DAPK1: variants seen among roughly 807,000 people sequenced by gnomAD.
The protein encoded by DAPK1 is death associated protein kinase 1.
Under a neutral mutation model 144.9 loss-of-function variants are expected in DAPK1, and 56 were observed. The observed-to-expected ratio is 0.39, with a 90% CI of 0.31 to 0.48. The LOEUF is 0.48. DAPK1 is among the 20% of genes least tolerant of loss of function. The probability of loss-of-function intolerance (pLI) is 0.95; values close to 1 mark genes in which losing one functional copy is unlikely to be tolerated. For synonymous variants in DAPK1, 690 were observed against 749.0 expected (o/e 0.92, Z 1.29); for missense variants, 1,454 against 1,875.4 (o/e 0.78, Z 4.15).
At chr9:87,595,511 G>A (rs767987095) in intron 2 of DAPK1, among the ~76,000 whole-genome samples, 7 of 152,122 alleles carry the variant, frequency 4.6e-5, no homozygotes, top group Non-Finnish European at 8.8e-5. Flanking sequence ...ATCCTCAGCC[G>A]CTCTGGTTTG....
At chr9:87,596,237 C>T (rs1478861175) in intron 2 of DAPK1, among the ~76,000 whole-genome samples, 1 of 152,172 alleles carries the variant, frequency 6.6e-6, no homozygotes, top group Non-Finnish European at 1.5e-5. Flanking sequence ...TTCCTCTTCA[C>T]ACGCATTCTG....
At chr9:87,504,911 C>T (rs1418071891) in intron 2 of DAPK1, among the ~76,000 whole-genome samples, 1 of 152,150 alleles carries the variant, frequency 6.6e-6, no homozygotes, top group Non-Finnish European at 1.5e-5. Context: ...ATGTTCAGTA[C>T]AGATGCAGTT....
rs546259797 is a variant in DAPK1, at chr9:87,565,403, G to A, written c.63-39551G>A. On this transcript the variant is annotated intron_variant, in intron 2 of 25. Coordinates refer to ENST00000408954, the MANE Select transcript of DAPK1 (RefSeq NM_004938.4). The stretch of plus-strand genomic sequence containing the variant: ...GCAGCTCTCAGGATCAAAAGCAGAG[G>A]AGCTCGAGGGATGATGTCTTCCAAT... 4.6e-5 allele frequency among the ~76,000 whole-genome samples: 7 copies of A among 152,308 alleles called. 1 individual carries two copies. In the East Asian group the frequency reaches 9.7e-4, roughly 21 times the overall value.
chr9:87,577,766 C>G (rs143613043), intron 2 of DAPK1, among the ~76,000 whole-genome samples: 1 of 152,116 alleles, frequency 6.6e-6, no homozygotes, highest in Admixed American at 6.5e-5. Flanking sequence ...CCACTGCACC[C>G]CAGTGTGGTG....
chr9:87,548,122 A>G (rs1826329245), intron 2 of DAPK1, among the ~76,000 whole-genome samples: 1 of 152,338 alleles, frequency 6.6e-6, no homozygotes, highest in African/African-American at 2.4e-5. Flanking sequence ...AATGCAGCAC[A>G]AAGAGTAAGG....
Position 87,681,343 on chromosome 9 carries a change from T to A in DAPK1, c.2002-61T>A, listed in dbSNP as rs946706294. ...AACTGCACACCGGGGATTAGGAATC[T>A]TGAGAATCATTATTTGCCTCTTTTT... On this transcript the variant is annotated intron_variant, in intron 19 of 25. Transcript: ENST00000408954. The A allele has an allele frequency of 3.4e-6, 3 of 885,214 alleles. No individual in the cohort carries two copies. In the African/African-American group the frequency reaches 5.0e-5, roughly 15 times the overall value. The allele number at this position is 885,214 out of a possible 1,614,324, so 54.8% of individuals were successfully genotyped here.
At chr9:87,553,358 C>T (rs1563989565) in intron 2 of DAPK1, 1 of 152,208 alleles carries the variant, frequency 6.6e-6, no homozygotes, top group African/African-American at 2.4e-5. Flanking sequence ...GTTAACCATT[C>T]ATGGGATCTT....
At chr9:87,541,290 G>A (rs1382822880) in intron 2 of DAPK1, among the ~76,000 whole-genome samples, 2 of 152,186 alleles carry the variant, frequency 1.3e-5, no homozygotes, top group Non-Finnish European at 2.9e-5. Flanking sequence ...GCTCACACCT[G>A]TAACACCAGC....
intron 3 of DAPK1, chr9:87,632,954 G>A: frequency 1.0e-6 from 1 of 966,228 alleles, no homozygotes; most frequent in Non-Finnish European, 1.2e-6. Flanking sequence ...ACGTAGGGAT[G>A]AAGGAGGATG....
chr9:87,642,104 G>A, intron 10 of DAPK1, 46 bp downstream of exon 10: 3 of 1,517,354 alleles, frequency 2.0e-6, no homozygotes, highest in South Asian at 1.1e-5. Flanking sequence ...TGTTTCCTGT[G>A]TAGAGTAGTG....
chr9:87,600,377 A>G (rs1192309882), intron 2 of DAPK1, among the ~76,000 whole-genome samples: 2 of 152,190 alleles, frequency 1.3e-5, no homozygotes, highest in Non-Finnish European at 2.9e-5. Context: ...CTTTGAGCCC[A>G]GGAGTTCTAG....
chr9:87,510,218 G>A (rs1824784876), intron 2 of DAPK1, among the ~76,000 whole-genome samples: 1 of 152,174 alleles, frequency 6.6e-6, no homozygotes, highest in Non-Finnish European at 1.5e-5. Flanking sequence ...ACAGGGTAAT[G>A]TCAGCCTCGT....
intron 2 of DAPK1, among the ~76,000 whole-genome samples, chr9:87,564,643 GGA>G (rs1180602103): frequency 6.6e-6 from 1 of 151,080 alleles, no homozygotes; most frequent in East Asian, 1.9e-4. Context: ...AGGGAGGAAG[GGA>G]GAGAGAGAGA....
intron 17 of DAPK1, among the ~76,000 whole-genome samples, chr9:87,654,743 C>T (rs1830575460): frequency 6.6e-6 from 1 of 152,194 alleles, no homozygotes; most frequent in African/African-American, 2.4e-5. Context: ...GACATTCCCA[C>T]TGTGCACCCA....
intron 2 of DAPK1, among the ~76,000 whole-genome samples, chr9:87,563,554 G>T (rs1587722171): frequency 6.6e-6 from 1 of 152,328 alleles, no homozygotes; most frequent in East Asian, 1.9e-4. Context: ...AGAGACATGT[G>T]TGATGTCCAA....
intron 2 of DAPK1, among the ~76,000 whole-genome samples, chr9:87,575,882 C>T (rs1210514616): frequency 1.3e-5 from 2 of 152,236 alleles, no homozygotes; most frequent in Non-Finnish European, 2.9e-5. Flanking sequence ...AAGGTGCTCC[C>T]TGGCAAGGGA....
At chr9:87,652,726 C>G (rs1830495126) in intron 17 of DAPK1, among the ~76,000 whole-genome samples, 1 of 136,948 alleles carries the variant, frequency 7.3e-6, no homozygotes. Context: ...TCTGTGTCCT[C>G]CCACCTGATC....
intron 2 of DAPK1, among the ~76,000 whole-genome samples, chr9:87,551,456 G>C (rs938370796): frequency 6.6e-6 from 1 of 152,150 alleles, no homozygotes. Context: ...TGTTAATTTA[G>C]ATTTTAAGCC....
At chr9:87,615,764 TA>T (rs1285846248) in intron 3 of DAPK1, among the ~76,000 whole-genome samples, 3 of 152,226 alleles carry the variant, frequency 2.0e-5, no homozygotes, top group African/African-American at 7.2e-5. Flanking sequence ...CGTGCAACTC[TA>T]GGAGAGTGGT....
Sources: gnomAD v4.1 joint callset for allele counts (sites outside exome capture counted in the v4.1 genomes callset) on GRCh38, gnomAD v4.1.1 for gene constraint, MANE v1.5 for transcripts, NCBI Gene and HGNC (gene_info 2026-07-23, HGNC 2026-07-21) for gene names.